The following TMEM163 variants were observed in gnomAD, a reference collection of about 807,000 sequenced individuals.
The protein encoded by TMEM163 is transmembrane protein 163.
TMEM163 carries 17 observed loss-of-function variants against 29.3 expected under a neutral mutation model. The ratio of observed to expected loss-of-function variants is 0.58; its 90% confidence interval spans 0.40 to 0.87. TMEM163 has a LOEUF of 0.87. TMEM163 is among the 40% of genes least tolerant of loss of function. The pLI is 0.00. For missense variants in TMEM163, 303 were observed against 381.5 expected, an observed-to-expected ratio of 0.79 and a Z score of 1.71; for synonymous variants, 157 against 160.6, an observed-to-expected ratio of 0.98 and a Z score of 0.17.
At chr2:134,539,919 C>T (rs1680628217) in intron 4 of TMEM163, among the ~76,000 whole-genome samples, 1 of 152,182 alleles carries the variant, frequency 6.6e-6, no homozygotes, top group African/African-American at 2.4e-5. Context: ...AGGCTCTCAC[C>T]CTCGTGCCTG....
intron 2 of TMEM163, among the ~76,000 whole-genome samples, chr2:134,666,913 C>A (rs1021846670): frequency 6.6e-6 from 1 of 152,174 alleles, no homozygotes; most frequent in Non-Finnish European, 1.5e-5. Flanking sequence ...TCAGAGACAT[C>A]GTCCTGGGAG....
intron 2 of TMEM163, among the ~76,000 whole-genome samples, chr2:134,637,595 G>A (rs1019810517): frequency 6.6e-6 from 1 of 152,220 alleles, no homozygotes; most frequent in Non-Finnish European, 1.5e-5. Context: ...TGTGCTCAGT[G>A]AGTCCACCCT....
At chr2:134,700,342 T>C (rs951918698) in intron 2 of TMEM163, among the ~76,000 whole-genome samples, 2 of 152,230 alleles carry the variant, frequency 1.3e-5, no homozygotes, top group Admixed American at 1.3e-4. Context: ...GAATTCTTAC[T>C]TGTTTGTATT....
At chr2:134,469,009 A>G (rs1686731673) in intron 5 of TMEM163, 1 of 152,240 alleles carries the variant, frequency 6.6e-6, no homozygotes, top group Admixed American at 6.5e-5. Context: ...GAAGGGGCCC[A>G]AACACATGAT....
At chr2:134,649,736 T>C (rs756049219) in intron 2 of TMEM163, among the ~76,000 whole-genome samples, 7 of 152,136 alleles carry the variant, frequency 4.6e-5, no homozygotes, top group Non-Finnish European at 1.0e-4. Flanking sequence ...CTATATAGGC[T>C]GAGCATGGTG....
At chr2:134,547,921 G>A (rs1680827545) in intron 4 of TMEM163, among the ~76,000 whole-genome samples, 1 of 152,172 alleles carries the variant, frequency 6.6e-6, no homozygotes, top group South Asian at 2.1e-4. Flanking sequence ...CCTAACAAAT[G>A]TTCACACAGA....
At chr2:134,525,804 G>A (rs2106496945) in intron 4 of TMEM163, among the ~76,000 whole-genome samples, 1 of 152,266 alleles carries the variant, frequency 6.6e-6, no homozygotes, top group East Asian at 1.9e-4. Flanking sequence ...TGGACCTGAG[G>A]GCATCTCTCC....
At chr2:134,470,273 T>C (rs1686768930) in intron 5 of TMEM163, among the ~76,000 whole-genome samples, 2 of 150,842 alleles carry the variant, frequency 1.3e-5, no homozygotes, top group Admixed American at 1.3e-4. Context: ...AGGAGAATTG[T>C]GTGAACCCGG....
chr2:134,589,572 A>C (rs1678355997), intron 2 of TMEM163, among the ~76,000 whole-genome samples: 1 of 152,162 alleles, frequency 6.6e-6, no homozygotes, highest in Admixed American at 6.5e-5. Context: ...AATGTCAGGA[A>C]GTTACCCTAT....
intron 2 of TMEM163, among the ~76,000 whole-genome samples, chr2:134,637,670 C>A (rs1683133286): frequency 6.6e-6 from 1 of 152,164 alleles, no homozygotes; most frequent in African/African-American, 2.4e-5. Flanking sequence ...GCTTTGCAAA[C>A]ACTTATTCCT....
At chr2:134,507,369 TAAATAAATAC>T (rs1679848375) in intron 4 of TMEM163, among the ~76,000 whole-genome samples, 1 of 121,966 alleles carries the variant, frequency 8.2e-6, no homozygotes, top group Non-Finnish European at 1.8e-5. Context: ...AATAAATAAA[TAAATAAATAC>T]CCACCGGATC....
chr2:134,632,571 G>A (rs1167611201), intron 2 of TMEM163, among the ~76,000 whole-genome samples: 3 of 152,198 alleles, frequency 2.0e-5, no homozygotes, highest in Non-Finnish European at 4.4e-5. Flanking sequence ...TACAGCAGAT[G>A]TGGTGTCTGA....
At chr2:134,545,046 A>AGT (rs148302354) in intron 4 of TMEM163, among the ~76,000 whole-genome samples, 5,269 of 152,196 alleles carry the variant, frequency 0.035, 322 homozygotes, top group African/African-American at 0.12. Context: ...TGCCTACACA[A>AGT]GTGTGTGTGG....
intron 2 of TMEM163, among the ~76,000 whole-genome samples, chr2:134,617,721 AAATG>A (rs1380392023): frequency 6.6e-6 from 1 of 152,218 alleles, no homozygotes; most frequent in Non-Finnish European, 1.5e-5. Context: ...AACAAATAGC[AAATG>A]ATAAATGTGA....
chr2:134,502,826 G>T, intron 5 of TMEM163, 75 bp downstream of exon 5: 1 of 1,336,120 alleles, frequency 7.5e-7, no homozygotes, highest in Non-Finnish European at 1.1e-6. Context: ...CTCCACCCGG[G>T]AACCCTGCGA....
chr2:134,474,164 C>G (rs1350973978), intron 5 of TMEM163, among the ~76,000 whole-genome samples: 1 of 152,154 alleles, frequency 6.6e-6, no homozygotes, highest in Non-Finnish European at 1.5e-5. Flanking sequence ...TACAACATGA[C>G]CAAACGGGGT....
rs1012820123 is a variant in TMEM163 at position 134,567,181 on chromosome 2, C to G, written c.323-15090G>C. 3.3e-5 allele frequency among the ~76,000 whole-genome samples: 5 copies of G among 152,162 alleles called. 1 individual carries two copies. The highest frequency in any genetic ancestry group is 5.9e-5 in the Non-Finnish European group (4 of 68,050). ...CTGAGGCGGGAGATAGGGGTTCATG[C>G]TCCACAACCAAAGAAAGCAGCCAAA... On this transcript the variant is annotated intron_variant, in intron 2 of 7. Transcript: ENST00000281924.
chr2:134,610,286 C>G (rs1574278865), intron 2 of TMEM163, among the ~76,000 whole-genome samples: 1 of 152,346 alleles, frequency 6.6e-6, no homozygotes, highest in South Asian at 2.1e-4. Flanking sequence ...TGGCCGCCAG[C>G]CACTTGCAGC....
chr2:134,580,731 G>A (rs1291327258), intron 2 of TMEM163, among the ~76,000 whole-genome samples: 1 of 152,176 alleles, frequency 6.6e-6, no homozygotes, highest in African/African-American at 2.4e-5. Context: ...GGCCAACGTG[G>A]TGAAACCCCA....
Sources: allele counts gnomAD v4.1 joint callset (sites outside exome capture counted in the v4.1 genomes callset), GRCh38; gene constraint gnomAD v4.1.1; transcripts MANE v1.5; gene names NCBI Gene and HGNC (gene_info 2026-07-23, HGNC 2026-07-21).